RARB: variants seen among roughly 807,000 people sequenced by gnomAD.
RARB encodes the protein retinoic acid receptor beta, also known as HBV-activated protein.
A neutral mutation model predicts 51.9 loss-of-function variants in RARB; 17 were observed. The observed-to-expected ratio is 0.33, with a 90% CI of 0.22 to 0.49. RARB has a LOEUF of 0.49. Ranked by LOEUF, RARB falls within the 20% of genes least tolerant of loss-of-function variation. The pLI is 0.99. For synonymous variants in RARB, 215 were observed against 195.4 expected (o/e 1.10, Z -0.84); for missense variants, 369 against 550.8 (o/e 0.67, Z 3.30).
intron 4 of RARB, among the ~76,000 whole-genome samples, chr3:25,576,686 T>A (rs77582389): frequency 0.046 from 6,971 of 152,232 alleles, 196 homozygotes; most frequent in Non-Finnish European, 0.067. Flanking sequence ...CTAGAGACCC[T>A]CCCTACCTGC....
intron 1 of RARB, among the ~76,000 whole-genome samples, chr3:25,434,437 A>G (rs143711060): frequency 0.047 from 7,174 of 152,070 alleles, 252 homozygotes; most frequent in Middle Eastern, 0.092. Flanking sequence ...TCCAGCGATC[A>G]CCAAATATCA....
At chr3:25,195,434 C>G (rs1200056884) in intron 5 of RARB, among the ~76,000 whole-genome samples, 1 of 152,040 alleles carries the variant, frequency 6.6e-6, no homozygotes, top group African/African-American at 2.4e-5. Context: ...AGTAATATTT[C>G]TTAAGACGAT....
At chr3:25,443,981 CAA>C (rs1231200354) in intron 1 of RARB, among the ~76,000 whole-genome samples, 10 of 152,038 alleles carry the variant, frequency 6.6e-5, no homozygotes, top group African/African-American at 2.4e-4. Context: ...AAACAACTCT[CAA>C]GAGAAACTTT....
rs150579876 is a variant in RARB, at chr3:25,301,047, A to G, written c.178+126472A>G. Among the ~76,000 whole-genome samples the G allele has an allele frequency of 2.4e-3, 358 of 152,312 alleles. 1 individual carries two copies. The highest frequency in any genetic ancestry group is 8.2e-3 in the African/African-American group (341 of 41,568). On this transcript the variant is annotated intron_variant, in intron 5 of 11. Transcript: ENST00000383772. ...GGTTCAACTTAGATTTTTCGACTATACAATGAGTTTGTTGGGATGTAACCT... is the reference window on the plus strand; with the variant it reads ...GGTTCAACTTAGATTTTTCGACTATGCAATGAGTTTGTTGGGATGTAACCT...
chr3:25,160,409 T>G (rs1387748149), intron 4 of RARB, among the ~76,000 whole-genome samples: 1 of 152,228 alleles, frequency 6.6e-6, no homozygotes, highest in African/African-American at 2.4e-5. Flanking sequence ...TTTATAGAAC[T>G]GACATCATGT....
intron 5 of RARB, among the ~76,000 whole-genome samples, chr3:25,323,131 C>A (rs1041783942): frequency 7.7e-6 from 1 of 130,050 alleles, no homozygotes; most frequent in African/African-American, 2.5e-5. Context: ...ATACCCGGGG[C>A]TCAAGGCAAA....
intron 5 of RARB, among the ~76,000 whole-genome samples, chr3:25,375,397 A>T (rs1015682597): frequency 6.6e-6 from 1 of 152,176 alleles, no homozygotes; most frequent in Admixed American, 6.5e-5. Context: ...GGTTTCCTGT[A>T]TTGGTGCTAC....
At chr3:25,185,800 C>T (rs1168148942) in intron 5 of RARB, among the ~76,000 whole-genome samples, 1 of 151,962 alleles carries the variant, frequency 6.6e-6, no homozygotes, top group African/African-American at 2.4e-5. Flanking sequence ...AATCTTATTC[C>T]AGAACTAAAG....
At chr3:25,458,021 AG>A (rs1359521302) in intron 1 of RARB, among the ~76,000 whole-genome samples, 1 of 152,228 alleles carries the variant, frequency 6.6e-6, no homozygotes, top group Non-Finnish European at 1.5e-5. Flanking sequence ...CATCTGGGGA[AG>A]GGGTCACTTA....
intron 5 of RARB, among the ~76,000 whole-genome samples, chr3:25,293,342 C>A (rs1703834738): frequency 6.6e-6 from 1 of 152,044 alleles, no homozygotes; most frequent in Non-Finnish European, 1.5e-5. Context: ...ATAATACCTA[C>A]TTCATAAAGT....
At chr3:25,385,833 C>T (rs575085386) in intron 5 of RARB, among the ~76,000 whole-genome samples, 7 of 152,214 alleles carry the variant, frequency 4.6e-5, no homozygotes, top group East Asian at 1.9e-4. Context: ...ACCAGGGCCA[C>T]GGTTCTTAGT....
chr3:25,258,534 C>A (rs1025460185), intron 5 of RARB, among the ~76,000 whole-genome samples: 1 of 152,024 alleles, frequency 6.6e-6, no homozygotes, highest in African/African-American at 2.4e-5. Flanking sequence ...TGGTCCTCAG[C>A]CCAGGGGAGT....
At chr3:25,002,546 T>G (rs980898926) in intron 2 of RARB, among the ~76,000 whole-genome samples, 53 of 152,160 alleles carry the variant, frequency 3.5e-4, no homozygotes, top group African/African-American at 1.2e-3. Context: ...AAATTAATTG[T>G]TTTTAGACTA....
chr3:25,410,043 C>T (rs1707517584), intron 5 of RARB, among the ~76,000 whole-genome samples: 1 of 152,164 alleles, frequency 6.6e-6, no homozygotes, highest in African/African-American at 2.4e-5. Context: ...CAGCCCAGTT[C>T]TTGTTTTCAT....
At chr3:25,398,914 G>A (rs866171953) in intron 5 of RARB, among the ~76,000 whole-genome samples, 1 of 151,990 alleles carries the variant, frequency 6.6e-6, no homozygotes, top group African/African-American at 2.4e-5. Context: ...ATTTTAGATC[G>A]ACTTACACAA....
chr3:25,461,434 T>C, intron 2 of RARB, 93 bp downstream of exon 2: 1 of 1,365,290 alleles, frequency 7.3e-7, no homozygotes. Flanking sequence ...GCTGGATGTG[T>C]AACATCACCT....
chr3:25,205,099 G>A (rs1266039345), intron 5 of RARB, among the ~76,000 whole-genome samples: 1 of 152,142 alleles, frequency 6.6e-6, no homozygotes, highest in Non-Finnish European at 1.5e-5. Flanking sequence ...GGCTGCTTTG[G>A]TTACCTACTC....
chr3:25,152,418 A>G (rs1700302325), intron 4 of RARB, among the ~76,000 whole-genome samples: 1 of 152,150 alleles, frequency 6.6e-6, no homozygotes, highest in Non-Finnish European at 1.5e-5. Flanking sequence ...AAGAGGGTTT[A>G]TTTTGTGGCA....
At chr3:25,244,527 G>A (rs1378908916) in intron 5 of RARB, among the ~76,000 whole-genome samples, 1 of 152,034 alleles carries the variant, frequency 6.6e-6, no homozygotes, top group Middle Eastern at 3.2e-3. Flanking sequence ...GTTCTCATTG[G>A]TTTCAAAGAA....
Sources: gnomAD v4.1 joint callset for allele counts (sites outside exome capture counted in the v4.1 genomes callset) on GRCh38, gnomAD v4.1.1 for gene constraint, MANE v1.5 for transcripts, NCBI Gene and HGNC (gene_info 2026-07-23, HGNC 2026-07-21) for gene names.